FSTL5: variants seen among roughly 807,000 people sequenced by gnomAD.
FSTL5 encodes follistatin-related protein 5.
Under a neutral mutation model 89.1 loss-of-function variants are expected in FSTL5, and 62 were observed. The ratio of observed to expected loss-of-function variants is 0.70; its 90% CI spans 0.57 to 0.86. The LOEUF is 0.86. Among genes scored for constraint, FSTL5 ranks in the 40% least tolerant of loss-of-function variants. The pLI is 0.00. For missense variants in FSTL5, 1,057 were observed against 1,001.6 expected, an observed-to-expected ratio of 1.06 and a Z score of -0.75; for synonymous variants, 383 against 346.2, an observed-to-expected ratio of 1.11 and a Z score of -1.18.
intron 3 of FSTL5, among the ~76,000 whole-genome samples, chr4:161,989,106 G>A (rs1034389948): frequency 1.3e-5 from 2 of 152,112 alleles, no homozygotes; most frequent in African/African-American, 4.8e-5. Context: ...TCCACAACTT[G>A]AGAAATAAAA....
At chr4:162,147,690 T>C (rs1733055719) in intron 1 of FSTL5, among the ~76,000 whole-genome samples, 1 of 152,198 alleles carries the variant, frequency 6.6e-6, no homozygotes, top group Non-Finnish European at 1.5e-5. Flanking sequence ...TCCTTAGTTT[T>C]TCTACTTCTT....
intron 3 of FSTL5, among the ~76,000 whole-genome samples, chr4:162,027,759 CTTATTGGT>C (rs1560978441): frequency 6.6e-6 from 1 of 150,898 alleles, no homozygotes; most frequent in Non-Finnish European, 1.5e-5. Flanking sequence ...TTTAGATTCT[CTTATTGGT>C]AATTAAAGAG....
chr4:161,703,239 C>G (rs1217003013), intron 6 of FSTL5, among the ~76,000 whole-genome samples: 1 of 152,060 alleles, frequency 6.6e-6, no homozygotes, highest in African/African-American at 2.4e-5. Flanking sequence ...TACAACAGCA[C>G]TAGCAAACTT....
At chr4:162,133,087 C>T (rs1732376212) in intron 1 of FSTL5, among the ~76,000 whole-genome samples, 1 of 152,112 alleles carries the variant, frequency 6.6e-6, no homozygotes, top group Non-Finnish European at 1.5e-5. Context: ...GCTGGGACTA[C>T]AGGCGCCCAC....
chr4:161,829,886 G>A (rs1244693830), intron 4 of FSTL5, among the ~76,000 whole-genome samples: 1 of 151,964 alleles, frequency 6.6e-6, no homozygotes, highest in Non-Finnish European at 1.5e-5. Context: ...CAATGACAAG[G>A]AACAAACACA....
intron 6 of FSTL5, among the ~76,000 whole-genome samples, chr4:161,727,662 C>A (rs1485788895): frequency 6.6e-6 from 1 of 152,164 alleles, no homozygotes; most frequent in Admixed American, 6.5e-5. Context: ...CTAATATAAG[C>A]TATATTTTCT....
At chr4:161,689,991 T>C (rs1737875480) in intron 6 of FSTL5, among the ~76,000 whole-genome samples, 3 of 152,196 alleles carry the variant, frequency 2.0e-5, no homozygotes, top group African/African-American at 4.8e-5. Flanking sequence ...TTTGTTTTCA[T>C]GGCTGGATAA....
At chr4:161,934,098 A>T (rs1280701299) in intron 3 of FSTL5, among the ~76,000 whole-genome samples, 2 of 152,066 alleles carry the variant, frequency 1.3e-5, no homozygotes, top group East Asian at 3.9e-4. Context: ...CTTGTTTTAC[A>T]AATAAAGAAG....
intron 4 of FSTL5, among the ~76,000 whole-genome samples, chr4:161,806,655 T>C (rs1316049741): frequency 1.3e-5 from 2 of 151,924 alleles, no homozygotes; most frequent in African/African-American, 4.8e-5. Flanking sequence ...GGCTATAAAA[T>C]TAGGAAATAA....
chr4:162,081,557 A>G (rs1730098762), intron 2 of FSTL5, among the ~76,000 whole-genome samples: 1 of 151,666 alleles, frequency 6.6e-6, no homozygotes, highest in Non-Finnish European at 1.5e-5. Context: ...AGAAAGAAAG[A>G]GCTCATGCTT....
At chr4:162,139,552 T>C (rs1421321543) in intron 1 of FSTL5, among the ~76,000 whole-genome samples, 1 of 151,976 alleles carries the variant, frequency 6.6e-6, no homozygotes, top group Non-Finnish European at 1.5e-5. Flanking sequence ...ACCTTTTTCC[T>C]GAGCAGACTT....
chr4:161,685,421 T>C (rs538911148), intron 6 of FSTL5, among the ~76,000 whole-genome samples: 1 of 152,302 alleles, frequency 6.6e-6, no homozygotes, highest in African/African-American at 2.4e-5. Context: ...CCATGATTTC[T>C]TTCAGTGGTG....
At chr4:162,052,381 T>C (rs1179165792) in intron 2 of FSTL5, among the ~76,000 whole-genome samples, 1 of 151,718 alleles carries the variant, frequency 6.6e-6, no homozygotes, top group African/African-American at 2.4e-5. Flanking sequence ...AATAAACAGT[T>C]TCTATACTAT....
At chr4:161,620,444 C>T (rs1242476229) in intron 7 of FSTL5, among the ~76,000 whole-genome samples, 1 of 152,168 alleles carries the variant, frequency 6.6e-6, no homozygotes, top group African/African-American at 2.4e-5. Flanking sequence ...CACCTGAGGT[C>T]GGCATTTTGA....
At chr4:161,499,323 TA>T (rs1202961298) in intron 12 of FSTL5, among the ~76,000 whole-genome samples, 1 of 152,192 alleles carries the variant, frequency 6.6e-6, no homozygotes, top group Non-Finnish European at 1.5e-5. Flanking sequence ...ATGGCTGAAA[TA>T]TTTTTAAATA....
chr4:161,844,971 A>G (rs1731322912), intron 4 of FSTL5, among the ~76,000 whole-genome samples: 1 of 152,132 alleles, frequency 6.6e-6, no homozygotes, highest in African/African-American at 2.4e-5. Context: ...AATAAAAATA[A>G]AAATAACAAA....
intron 15 of FSTL5, among the ~76,000 whole-genome samples, chr4:161,397,485 T>C (rs1731043428): frequency 6.6e-6 from 1 of 151,638 alleles, no homozygotes; most frequent in African/African-American, 2.4e-5. Context: ...CTGTATAATC[T>C]AGAGTATTGA....
At chr4:161,460,774 G>A (rs1368650413) in intron 13 of FSTL5, among the ~76,000 whole-genome samples, 2 of 151,488 alleles carry the variant, frequency 1.3e-5, no homozygotes, top group African/African-American at 2.4e-5. Flanking sequence ...TTTTTTCCTC[G>A]CTAAGAGAGT....
intron 7 of FSTL5, among the ~76,000 whole-genome samples, chr4:161,595,981 G>T (rs1734000808): frequency 6.6e-6 from 1 of 151,798 alleles, no homozygotes; most frequent in African/African-American, 2.4e-5. Flanking sequence ...CAAATTCTGA[G>T]TTTTCTAGTG....
Sources: gnomAD v4.1 joint callset for allele counts (sites outside exome capture counted in the v4.1 genomes callset) on GRCh38, gnomAD v4.1.1 for gene constraint, MANE v1.5 for transcripts, NCBI Gene and HGNC (gene_info 2026-07-23, HGNC 2026-07-21) for gene names.